The following TLCD4 variants were observed in gnomAD, a reference collection of about 807,000 sequenced individuals.
The protein encoded by TLCD4 is TLC domain containing 4.
TLCD4 carries 7 observed loss-of-function variants against 24.2 expected under a neutral mutation model. The ratio of observed to expected loss-of-function variants is 0.29; its 90% confidence interval spans 0.16 to 0.54. The LOEUF is 0.54. TLCD4 is among the 20% of genes least tolerant of loss of function. The probability of loss-of-function intolerance (pLI) is 0.95; values close to 1 mark genes in which losing one functional copy is unlikely to be tolerated. For synonymous variants in TLCD4, 103 were observed against 106.4 expected (o/e 0.97, Z 0.20); for missense variants, 259 against 313.9 (o/e 0.82, Z 1.32).
intron 1 of TLCD4, 63 bp from the exon 2 acceptor site, chr1:95,143,823 TTAAAA>T (rs1412720405): frequency 4.0e-5 from 52 of 1,286,020 alleles, no homozygotes; most frequent in Non-Finnish European, 5.0e-5. Flanking sequence ...GACATATTTC[TTAAAA>T]TAAAAAAATT....
At chr1:95,130,271 G>A (rs1676855316) in intron 1 of TLCD4, among the ~76,000 whole-genome samples, 1 of 152,058 alleles carries the variant, frequency 6.6e-6, no homozygotes, top group Non-Finnish European at 1.5e-5. Flanking sequence ...TCCTGTCTCA[G>A]CCTTCCGAGC....
intron 1 of TLCD4, among the ~76,000 whole-genome samples, chr1:95,134,286 A>G (rs1212700345): frequency 6.6e-6 from 1 of 152,142 alleles, no homozygotes; most frequent in East Asian, 1.9e-4. Context: ...TGAGTAAGCA[A>G]AAGTGATTGG....
intron 1 of TLCD4, among the ~76,000 whole-genome samples, chr1:95,121,753 A>T (rs1391726159): frequency 1.3e-5 from 2 of 152,230 alleles, no homozygotes; most frequent in Non-Finnish European, 2.9e-5. Context: ...TACAGGCGTG[A>T]GCCTCCGTGC....
the TLCD4 span, among the ~76,000 whole-genome samples, chr1:95,104,374 C>G: frequency 6.6e-6 from 1 of 152,004 alleles, no homozygotes; most frequent in South Asian, 2.1e-4. Flanking sequence ...GTCAAAAATG[C>G]GTTTAACGGG....
chr1:95,130,276 C>T (rs1676855687), intron 1 of TLCD4, among the ~76,000 whole-genome samples: 1 of 152,138 alleles, frequency 6.6e-6, no homozygotes, highest in Non-Finnish European at 1.5e-5. Context: ...TCTCAGCCTT[C>T]CGAGCAGCTG....
At chr1:95,158,110 A>G (rs1276192256) in intron 5 of TLCD4, among the ~76,000 whole-genome samples, 4 of 151,856 alleles carry the variant, frequency 2.6e-5, no homozygotes, top group East Asian at 3.9e-4. Flanking sequence ...AGGGAATGCT[A>G]GTTGTCACTC....
At chr1:95,147,855 A>G (rs1371115579) in intron 2 of TLCD4, among the ~76,000 whole-genome samples, 1 of 152,202 alleles carries the variant, frequency 6.6e-6, no homozygotes, top group Non-Finnish European at 1.5e-5. Flanking sequence ...AATACACAGT[A>G]TCCTAAGTAT....
the TLCD4 span, among the ~76,000 whole-genome samples, chr1:95,095,122 G>A: frequency 6.6e-6 from 1 of 152,216 alleles, no homozygotes; most frequent in African/African-American, 2.4e-5. Flanking sequence ...ACTTAGCACG[G>A]TGGCTATGCT....
At chr1:95,128,505 A>AAG (rs1487241920) in intron 1 of TLCD4, among the ~76,000 whole-genome samples, 1 of 152,182 alleles carries the variant, frequency 6.6e-6, no homozygotes, top group Non-Finnish European at 1.5e-5. Context: ...CTGTACCTAT[A>AAG]ATGGAAGGGA....
At chr1:95,134,342 G>A (rs1428603064) in intron 1 of TLCD4, among the ~76,000 whole-genome samples, 1 of 152,176 alleles carries the variant, frequency 6.6e-6, no homozygotes, top group Admixed American at 6.5e-5. Flanking sequence ...TGGTGTAACT[G>A]AATGGCAGGA....
chr1:95,132,252 C>T (rs112453711), intron 1 of TLCD4, among the ~76,000 whole-genome samples: 4 of 151,916 alleles, frequency 2.6e-5, no homozygotes, highest in African/African-American at 4.8e-5. Context: ...GCCAGGAGTT[C>T]GAGACCAGCC....
chr1:95,140,156 A>G (rs923730114), intron 1 of TLCD4, among the ~76,000 whole-genome samples: 3 of 152,218 alleles, frequency 2.0e-5, no homozygotes, highest in Non-Finnish European at 4.4e-5. Context: ...GATAAAAAGT[A>G]TAGTGTAGTA....
chr1:95,113,181 T>C (rs1246218996), upstream of TLCD4, among the ~76,000 whole-genome samples: 2 of 151,980 alleles, frequency 1.3e-5, no homozygotes, highest in Non-Finnish European at 2.9e-5. Flanking sequence ...TAGCTGGGAT[T>C]ACAGGCGTGC....
chr1:95,096,668 C>T, the TLCD4 span, among the ~76,000 whole-genome samples: 10 of 152,180 alleles, frequency 6.6e-5, no homozygotes, highest in Non-Finnish European at 1.3e-4. Flanking sequence ...TGCCAATTTT[C>T]CAGACGTGAT....
At chr1:95,106,826 A>T in the TLCD4 span, among the ~76,000 whole-genome samples, 1 of 152,228 alleles carries the variant, frequency 6.6e-6, no homozygotes, top group Admixed American at 6.5e-5. Context: ...CTGGAGGACA[A>T]AAAATGCTTT....
intron 1 of TLCD4, among the ~76,000 whole-genome samples, chr1:95,133,237 G>A (rs1156877922): frequency 6.6e-6 from 1 of 152,236 alleles, no homozygotes. Context: ...TGTGTTGTGG[G>A]GTGGGGGGAC....
intron 5 of TLCD4, among the ~76,000 whole-genome samples, chr1:95,160,585 A>G (rs1305298381): frequency 6.6e-6 from 1 of 152,136 alleles, no homozygotes; most frequent in African/African-American, 2.4e-5. Flanking sequence ...GTCTTGTGCC[A>G]GTTTTCAAAG....
chr1:95,186,301 C>A (rs1422329608), intron 6 of TLCD4, among the ~76,000 whole-genome samples: 2 of 152,180 alleles, frequency 1.3e-5, no homozygotes, highest in African/African-American at 2.4e-5. Flanking sequence ...GGCCTGACTG[C>A]AGAGCACCCT....
At chr1:95,163,201 C>G (rs551324041) in intron 5 of TLCD4, 1 of 152,266 alleles carries the variant, frequency 6.6e-6, no homozygotes, top group East Asian at 1.9e-4. Context: ...TCGTTCATTT[C>G]TTTTTACTCT....
Sources: gnomAD v4.1 joint callset for allele counts (sites outside exome capture counted in the v4.1 genomes callset) on GRCh38, gnomAD v4.1.1 for gene constraint, MANE v1.5 for transcripts, NCBI Gene and HGNC (gene_info 2026-07-23, HGNC 2026-07-21) for gene names.